Variants in COLEC11 observed in about 807,000 individuals in gnomAD.
COLEC11 encodes collectin subfamily member 11, also known as collectin-11.
COLEC11 carries 20 observed loss-of-function variants against 27.3 expected under a neutral mutation model. The observed-to-expected ratio is 0.73, with a 90% confidence interval of 0.51 to 1.06. COLEC11 has a LOEUF of 1.06. Among genes scored for constraint, COLEC11 ranks in the 50% least tolerant of loss-of-function variants. The probability of loss-of-function intolerance (pLI) is 0.00; values close to 1 mark genes in which losing one functional copy is unlikely to be tolerated. For synonymous variants in COLEC11, 163 were observed against 154.7 expected, an observed-to-expected ratio of 1.05 and a Z score of -0.40; for missense variants, 310 against 383.0, an observed-to-expected ratio of 0.81 and a Z score of 1.59.
intron 3 of COLEC11, among the ~76,000 whole-genome samples, chr2:3,622,031 G>T (rs1664223246): frequency 6.6e-6 from 1 of 151,910 alleles, no homozygotes; most frequent in Admixed American, 6.6e-5. Context: ...ACAAAAATTA[G>T]CCGGGTGCTC....
chr2:3,596,025 G>A (rs1023759878), intron 1 of COLEC11, among the ~76,000 whole-genome samples: 3 of 152,196 alleles, frequency 2.0e-5, no homozygotes, highest in Admixed American at 2.0e-4. Flanking sequence ...TGTGCTGACC[G>A]CTGGGGGAAG....
chr2:3,625,060 T>C (rs1664436657), intron 3 of COLEC11, among the ~76,000 whole-genome samples: 1 of 152,218 alleles, frequency 6.6e-6, no homozygotes, highest in Admixed American at 6.5e-5. Context: ...TGATAGACTC[T>C]TTTCATTTCT....
chr2:3,637,046 C>T (rs1331319239), intron 3 of COLEC11, among the ~76,000 whole-genome samples: 1 of 152,192 alleles, frequency 6.6e-6, no homozygotes, highest in Non-Finnish European at 1.5e-5. Flanking sequence ...CAAGTTCACA[C>T]ACCCGAGAGG....
chr2:3,603,592 C>G (rs1468725446), intron 1 of COLEC11: 6 of 1,541,382 alleles, frequency 3.9e-6, no homozygotes, highest in Non-Finnish European at 5.3e-6. Flanking sequence ...GCTGGAATTA[C>G]AGGTGTGAGC....
In COLEC11 at chr2:3,643,657, C is replaced by T. The variant is rs2147974734; in HGVS notation, c.425-70C>T. On this transcript the variant is annotated intron_variant, in intron 6 of 6. Transcript: ENST00000349077. ...CTGCCTGCCCTGCCGGCCCCTGCTGCCTGTGGCTGTGCCTTAAGTTTGTTG... is the reference window on the plus strand; with the variant it reads ...CTGCCTGCCCTGCCGGCCCCTGCTGTCTGTGGCTGTGCCTTAAGTTTGTTG... The T allele has an allele frequency of 1.9e-6, 3 of 1,609,850 alleles. No individual in the cohort carries two copies. In the East Asian group the frequency reaches 6.7e-5, roughly 36 times the overall value.
At chr2:3,612,912 A>G (rs889220240) in intron 2 of COLEC11, among the ~76,000 whole-genome samples, 1 of 152,038 alleles carries the variant, frequency 6.6e-6, no homozygotes, top group Non-Finnish European at 1.5e-5. Context: ...CAAGCAGATG[A>G]AGCTCAGGGA....
In COLEC11 at chr2:3,637,795, T is replaced by TA. The variant is rs547157475; in HGVS notation, c.274+192dup. 4.6e-5 allele frequency among the ~76,000 whole-genome samples: 7 copies of TA among 152,314 alleles called. No homozygotes were observed. In the South Asian group the frequency reaches 1.5e-3, roughly 32 times the overall value. On this transcript the variant is annotated intron_variant, in intron 4 of 6. Transcript: ENST00000349077. ...TGGAGCTAGTTGCTGGCTCTGTGCT[T>TA]ACAGGGTGCGGTGAAGCGCTCCCCA...
chr2:3,610,516 C>A (rs764929109), intron 2 of COLEC11, among the ~76,000 whole-genome samples: 1 of 152,162 alleles, frequency 6.6e-6, no homozygotes, highest in Non-Finnish European at 1.5e-5. Context: ...AAACATTCTT[C>A]CGCCCTCATC....
intron 1 of COLEC11, among the ~76,000 whole-genome samples, chr2:3,596,559 G>A (rs529501426): frequency 2.6e-4 from 40 of 152,126 alleles, no homozygotes; most frequent in African/African-American, 9.2e-4. Context: ...GGCTGCTCTC[G>A]AACTCCTAAC....
At chr2:3,630,292 G>T (rs1664904564) in intron 3 of COLEC11, among the ~76,000 whole-genome samples, 1 of 152,198 alleles carries the variant, frequency 6.6e-6, no homozygotes, top group Non-Finnish European at 1.5e-5. Flanking sequence ...ATGTGCATAT[G>T]TCTGTATATA....
At chr2:3,610,365 T>A (rs1663092438) in intron 2 of COLEC11, among the ~76,000 whole-genome samples, 3 of 152,216 alleles carry the variant, frequency 2.0e-5, no homozygotes, top group Admixed American at 2.0e-4. Flanking sequence ...TTACGAGTAC[T>A]GATGGAGCAC....
intron 3 of COLEC11, 106 bp from the exon 4 acceptor site, chr2:3,637,427 G>A: frequency 1.2e-6 from 1 of 810,488 alleles, no homozygotes; most frequent in Non-Finnish European, 2.2e-6. Context: ...CTATGTGCCT[G>A]TGATGTAGGA....
At chr2:3,604,094 A>G (rs1662443156) in intron 1 of COLEC11, 2 of 607,694 alleles carry the variant, frequency 3.3e-6, no homozygotes, top group Non-Finnish European at 5.9e-6. Context: ...CAGGGCTGGC[A>G]TGCACTTGGT....
chr2:3,614,744 T>A (rs540339763), intron 3 of COLEC11, among the ~76,000 whole-genome samples: 1 of 152,332 alleles, frequency 6.6e-6, no homozygotes, highest in East Asian at 1.9e-4. Context: ...CATGAGTATC[T>A]AGATTGAACA....
intron 2 of COLEC11, chr2:3,606,087 T>C: frequency 6.5e-7 from 1 of 1,550,180 alleles, no homozygotes; most frequent in Non-Finnish European, 8.7e-7. Context: ...GGCCCTGACT[T>C]TGTGGTAGCG....
intron 1 of COLEC11, among the ~76,000 whole-genome samples, chr2:3,597,832 G>A (rs1468109742): frequency 6.6e-6 from 1 of 152,234 alleles, no homozygotes; most frequent in East Asian, 1.9e-4. Flanking sequence ...AGGAGCCGGG[G>A]AGACTACGGT....
intron 4 of COLEC11, 29 bp downstream of exon 4, chr2:3,637,633 T>C: frequency 6.3e-7 from 1 of 1,579,562 alleles, no homozygotes; most frequent in South Asian, 1.1e-5. Context: ...TTGCCTCATT[T>C]CCCCCCTGCC....
At chr2:3,613,195 C>G in intron 2 of COLEC11, 116 bp from the exon 3 acceptor site, 1 of 1,132,224 alleles carries the variant, frequency 8.8e-7, no homozygotes, top group African/African-American at 1.6e-5. Context: ...AGAGAAGGGG[C>G]TTGGCCACCT....
At position 3,616,016 on chromosome 2, in the gene COLEC11, G is replaced by A. The variant is rs1663688868; in HGVS notation, c.202+2634G>A. Among the ~76,000 whole-genome samples the A allele has an allele frequency of 2.0e-5, 3 of 150,270 alleles. No individual in the cohort carries two copies. In the South Asian group the frequency reaches 6.4e-4, roughly 32 times the overall value. ...CACTTCTCAGACGGGGCGGCTGCCC[G>A]GCGGAGGGGCTCCTCACCTCTGAGG... On this transcript the variant is annotated intron_variant, in intron 3 of 6. Coordinates refer to ENST00000349077, the MANE Select transcript of COLEC11 (RefSeq NM_024027.5).
Sources: gnomAD v4.1 joint callset for allele counts (sites outside exome capture counted in the v4.1 genomes callset) on GRCh38, gnomAD v4.1.1 for gene constraint, MANE v1.5 for transcripts, NCBI Gene and HGNC (gene_info 2026-07-23, HGNC 2026-07-21) for gene names.